The following CACNB2 variants were observed in gnomAD, a reference collection of about 807,000 sequenced individuals.
CACNB2 encodes the protein calcium voltage-gated channel auxiliary subunit beta 2, also known as voltage-dependent L-type calcium channel subunit beta-2.
CACNB2 carries 42 observed loss-of-function variants against 73.3 expected under a neutral mutation model. The observed-to-expected ratio is 0.57, with a 90% CI of 0.45 to 0.74. The LOEUF is 0.74. Among genes scored for constraint, CACNB2 ranks in the 30% least tolerant of loss-of-function variants. CACNB2 has a pLI of 0.00. For synonymous variants in CACNB2, 348 were observed against 310.3 expected (o/e 1.12, Z -1.28); for missense variants, 940 against 853.0 (o/e 1.10, Z -1.27).
intron 2 of CACNB2, among the ~76,000 whole-genome samples, chr10:18,322,015 G>A (rs1168037541): frequency 6.6e-6 from 1 of 152,018 alleles, no homozygotes; most frequent in Non-Finnish European, 1.5e-5. Context: ...AATTAGCCAG[G>A]CATGGTGGCG....
chr10:18,474,024 G>A (rs2048319578), intron 3 of CACNB2, among the ~76,000 whole-genome samples: 1 of 152,168 alleles, frequency 6.6e-6, no homozygotes, highest in African/African-American at 2.4e-5. Context: ...TGCTCGCTAA[G>A]AGCTCTTTTA....
intron 2 of CACNB2, among the ~76,000 whole-genome samples, chr10:18,231,545 A>C: frequency 6.6e-6 from 1 of 152,150 alleles, no homozygotes; most frequent in East Asian, 1.9e-4. Context: ...TTAGACTGCA[A>C]TCTCTTTTAG....
At chr10:18,286,533 A>G (rs1037869951) in intron 2 of CACNB2, among the ~76,000 whole-genome samples, 15 of 137,834 alleles carry the variant, frequency 1.1e-4, no homozygotes, top group Middle Eastern at 3.6e-3. Context: ...AAAAAAAAAA[A>G]AAAAAAAAAA....
rs1258422853 is a variant in CACNB2, at chr10:18,379,403, A to G, written c.214-22521A>G. Among the ~76,000 whole-genome samples the G allele has an allele frequency of 3.9e-5, 6 of 152,096 alleles. No homozygotes were observed. In the East Asian group the frequency reaches 5.8e-4, roughly 15 times the overall value. ...AATTTTTGTATTTTTTGGTAGAGACATGGTTTTACCATGTTGACCAGGCTG... is the reference window on the plus strand; with the variant it reads ...AATTTTTGTATTTTTTGGTAGAGACGTGGTTTTACCATGTTGACCAGGCTG... On this transcript the variant is annotated intron_variant, in intron 2 of 13. Transcript: ENST00000324631.
At chr10:18,325,376 G>A (rs1381429841) in intron 2 of CACNB2, among the ~76,000 whole-genome samples, 3 of 151,596 alleles carry the variant, frequency 2.0e-5, no homozygotes, top group African/African-American at 4.8e-5. Context: ...TAAATTTTTT[G>A]TAGAGATAGT....
intron 2 of CACNB2, among the ~76,000 whole-genome samples, chr10:18,385,358 T>G (rs1440439149): frequency 2.2e-5 from 3 of 136,472 alleles, no homozygotes; most frequent in Non-Finnish European, 4.6e-5. Context: ...CATAGAGATT[T>G]GTAATACCCC....
chr10:18,425,821 G>C (rs775287282), intron 3 of CACNB2, among the ~76,000 whole-genome samples: 3 of 152,138 alleles, frequency 2.0e-5, no homozygotes, highest in Non-Finnish European at 4.4e-5. Flanking sequence ...TAAGGAGTGA[G>C]ATAGGAATCT....
chr10:18,365,694 G>A lies in CACNB2; in HGVS notation c.214-36230G>A, dbSNP rs565643459. 1.9e-4 allele frequency among the ~76,000 whole-genome samples: 29 copies of A among 152,272 alleles called. 1 individual carries two copies. The South Asian group carries it at 4.8e-3, about 25-fold the overall frequency. On this transcript the variant is annotated intron_variant, in intron 2 of 13. Coordinates refer to ENST00000324631, the MANE Select transcript of CACNB2 (RefSeq NM_201596.3). ...TGAAATATTTTCTCTGGATTATAAC[G>A]TTGGGACAGAATAGTGCAACATGCT...
At chr10:18,282,098 T>C (rs1422324292) in intron 2 of CACNB2, among the ~76,000 whole-genome samples, 2 of 151,704 alleles carry the variant, frequency 1.3e-5, no homozygotes, top group Non-Finnish European at 2.9e-5. Flanking sequence ...AATTGTCCAC[T>C]TTAAGGATGG....
Position 18,542,189 on chromosome 10 carries a change from A to G in CACNB2, c.*2465A>G, listed in dbSNP as rs1337317119. Reference sequence around the variant, plus strand: ...AGCCTGGTGACAACCTGGTGTTTAAAAAAAGAAAATAAAAATTAGTTACAT... The same window carrying G: ...AGCCTGGTGACAACCTGGTGTTTAAGAAAAGAAAATAAAAATTAGTTACAT... On this transcript the variant is annotated 3_prime_UTR_variant, in exon 14 of 14. Coordinates refer to ENST00000324631, the MANE Select transcript of CACNB2 (RefSeq NM_201596.3). The G allele has an allele frequency of 1.3e-5, 2 of 152,158 alleles. No homozygotes were observed. The highest frequency in any genetic ancestry group is 4.8e-5 in the African/African-American group (2 of 41,430). The allele number at this position is 152,158 out of a possible 1,614,324, so 9.4% of individuals were successfully genotyped here. A position where few individuals can be genotyped will look rare whatever the true frequency, so the allele number is the denominator to read the frequency against.
chr10:18,414,242 A>T (rs1219041959), intron 3 of CACNB2, among the ~76,000 whole-genome samples: 1 of 152,254 alleles, frequency 6.6e-6, no homozygotes, highest in African/African-American at 2.4e-5. Context: ...CCTCTTAGTC[A>T]CATGGGTGCA....
intron 3 of CACNB2, among the ~76,000 whole-genome samples, chr10:18,492,631 A>AAAG (rs1554830128): frequency 2.1e-5 from 3 of 139,830 alleles, no homozygotes; most frequent in South Asian, 2.1e-4. Context: ...AAAAAAAAAA[A>AAAG]AAAAAAAGAA....
intron 9 of CACNB2, among the ~76,000 whole-genome samples, chr10:18,525,296 T>C (rs1455418405): frequency 6.6e-6 from 1 of 152,136 alleles, no homozygotes; most frequent in Non-Finnish European, 1.5e-5. Flanking sequence ...TCTTTCAAGC[T>C]TTACTGTCAT....
At chr10:18,355,047 G>C (rs996860406) in intron 2 of CACNB2, among the ~76,000 whole-genome samples, 2 of 152,164 alleles carry the variant, frequency 1.3e-5, no homozygotes, top group East Asian at 3.8e-4. Context: ...TATGTATAAA[G>C]TGTACATGAA....
intron 2 of CACNB2, among the ~76,000 whole-genome samples, chr10:18,308,528 T>C (rs1462675286): frequency 6.6e-6 from 1 of 152,218 alleles, no homozygotes; most frequent in African/African-American, 2.4e-5. Context: ...CAAAATTTTC[T>C]ATTCTTCACA....
chr10:18,357,069 C>T (rs2041951604), intron 2 of CACNB2, among the ~76,000 whole-genome samples: 1 of 149,748 alleles, frequency 6.7e-6, no homozygotes. Flanking sequence ...CTCAGCCTCC[C>T]GTGTAGCTGG....
At chr10:18,277,451 G>T (rs1284634216) in intron 2 of CACNB2, among the ~76,000 whole-genome samples, 1 of 152,194 alleles carries the variant, frequency 6.6e-6, no homozygotes, top group Non-Finnish European at 1.5e-5. Context: ...AGTGATCTCT[G>T]TTCTTTTCCG....
chr10:18,320,698 G>C (rs560329808), intron 2 of CACNB2, among the ~76,000 whole-genome samples: 5 of 152,210 alleles, frequency 3.3e-5, no homozygotes, highest in African/African-American at 1.2e-4. Flanking sequence ...TTTTTAGGTT[G>C]AATGAATAAA....
At chr10:18,432,758 C>A (rs1016344056) in intron 3 of CACNB2, among the ~76,000 whole-genome samples, 2 of 152,034 alleles carry the variant, frequency 1.3e-5, no homozygotes, top group African/African-American at 4.8e-5. Context: ...ATGGCTTGAG[C>A]CAGGAGGCAG....
Sources: allele counts gnomAD v4.1 joint callset (sites outside exome capture counted in the v4.1 genomes callset), GRCh38; gene constraint gnomAD v4.1.1; transcripts MANE v1.5; gene names NCBI Gene and HGNC (gene_info 2026-07-23, HGNC 2026-07-21).